Variants in FSTL5 observed in about 807,000 individuals in gnomAD.
FSTL5 encodes follistatin like 5.
Under a neutral mutation model 89.1 loss-of-function variants are expected in FSTL5, and 62 were observed. The observed-to-expected ratio is 0.70, with a 90% confidence interval of 0.57 to 0.86. The LOEUF (loss-of-function observed/expected upper bound fraction) is 0.86, where lower values mean the gene tolerates loss of function less well. Ranked by LOEUF, FSTL5 falls within the 40% of genes least tolerant of loss-of-function variation. FSTL5 has a pLI of 0.00. For synonymous variants in FSTL5, 383 were observed against 346.2 expected (o/e 1.11, Z -1.18); for missense variants, 1,057 against 1,001.6 (o/e 1.06, Z -0.75).
intron 7 of FSTL5, among the ~76,000 whole-genome samples, chr4:161,596,955 A>C (rs1016300747): frequency 6.6e-6 from 1 of 152,088 alleles, no homozygotes; most frequent in Non-Finnish European, 1.5e-5. Flanking sequence ...AGTAGATTGC[A>C]AAAATTTTCT....
At chr4:161,600,647 AT>A (rs1734199137) in intron 7 of FSTL5, among the ~76,000 whole-genome samples, 1 of 152,144 alleles carries the variant, frequency 6.6e-6, no homozygotes, top group Admixed American at 6.6e-5. Flanking sequence ...AGGCAAAAAA[AT>A]CTCATTTAGA....
chr4:161,522,007 C>A (rs1560936031), intron 10 of FSTL5, among the ~76,000 whole-genome samples: 1 of 152,022 alleles, frequency 6.6e-6, no homozygotes, highest in Admixed American at 6.6e-5. Context: ...GAAACACATG[C>A]TAGAATATGA....
intron 6 of FSTL5, among the ~76,000 whole-genome samples, chr4:161,747,213 CTAAA>C (rs1354931707): frequency 3.3e-5 from 5 of 152,102 alleles, no homozygotes; most frequent in Admixed American, 1.3e-4. Context: ...AAATATTAAT[CTAAA>C]TAGGTAAAAT....
chr4:161,520,556 T>C (rs533243380), intron 10 of FSTL5, among the ~76,000 whole-genome samples: 1 of 152,088 alleles, frequency 6.6e-6, no homozygotes, highest in Non-Finnish European at 1.5e-5. Context: ...TCAACTAAAT[T>C]GGCTTATCTT....
chr4:161,734,272 G>T (rs1005853295), intron 6 of FSTL5, among the ~76,000 whole-genome samples: 1 of 152,064 alleles, frequency 6.6e-6, no homozygotes, highest in Non-Finnish European at 1.5e-5. Flanking sequence ...AGTACTTAAA[G>T]TTCCTTTACA....
intron 7 of FSTL5, among the ~76,000 whole-genome samples, chr4:161,636,231 T>C (rs1280950976): frequency 1.3e-5 from 2 of 152,142 alleles, no homozygotes; most frequent in Non-Finnish European, 2.9e-5. Flanking sequence ...CTGTTAATGG[T>C]GTATATGGAT....
intron 6 of FSTL5, among the ~76,000 whole-genome samples, chr4:161,751,601 C>T (rs909628796): frequency 1.3e-5 from 2 of 151,956 alleles, no homozygotes; most frequent in African/African-American, 2.4e-5. Context: ...ATAGCAAAGT[C>T]CCATCTCTAC....
At chr4:161,881,565 G>A (rs994705568) in intron 4 of FSTL5, among the ~76,000 whole-genome samples, 4 of 152,044 alleles carry the variant, frequency 2.6e-5, no homozygotes, top group Admixed American at 1.3e-4. Flanking sequence ...ACTCCAGCGC[G>A]TTTTTTGCTG....
chr4:161,468,611 T>G lies in FSTL5; in HGVS notation c.1609-9292A>C, dbSNP rs537072186. Among the ~76,000 whole-genome samples, 3 of 152,272 alleles carry G rather than the reference T, an allele frequency of 2.0e-5. No individual in the cohort carries two copies. The East Asian group carries it at 5.8e-4, about 29-fold the overall frequency. Reference sequence around the variant, plus strand: ...ATTTTTAGATTAACAAGATTATTGTTTTTTGTTTCAGTATTCCTAAGTCAG... The same window carrying G: ...ATTTTTAGATTAACAAGATTATTGTGTTTTGTTTCAGTATTCCTAAGTCAG... On this transcript the variant is annotated intron_variant, in intron 13 of 15. Coordinates refer to ENST00000306100, the MANE Select transcript of FSTL5 (RefSeq NM_020116.5).
intron 2 of FSTL5, among the ~76,000 whole-genome samples, chr4:162,056,017 TAACCAAAGAG>T: frequency 3.9e-5 from 6 of 151,910 alleles, no homozygotes; most frequent in African/African-American, 1.2e-4. Context: ...TGCTTCTATA[TAACCAAAGAG>T]TAAGAAATAA....
intron 14 of FSTL5, among the ~76,000 whole-genome samples, 193 bp from the exon 15 acceptor site, chr4:161,455,321 G>T (rs1241293799): frequency 6.6e-6 from 1 of 152,082 alleles, no homozygotes; most frequent in East Asian, 1.9e-4. Flanking sequence ...ATAGAAACTT[G>T]TTTCTATAAA....
intron 4 of FSTL5, among the ~76,000 whole-genome samples, chr4:161,860,894 C>A (rs1365005984): frequency 1.3e-5 from 2 of 151,968 alleles, no homozygotes; most frequent in African/African-American, 4.8e-5. Flanking sequence ...CCCTCTCTCT[C>A]TTTTCACCCC....
intron 4 of FSTL5, among the ~76,000 whole-genome samples, chr4:161,913,912 T>G (rs530010656): frequency 2.0e-5 from 3 of 152,226 alleles, no homozygotes; most frequent in African/African-American, 4.8e-5. Context: ...GTGGAAGGGA[T>G]TTCCCTTGTT....
chr4:161,867,175 T>G (rs1732118068), intron 4 of FSTL5, among the ~76,000 whole-genome samples: 1 of 152,056 alleles, frequency 6.6e-6, no homozygotes, highest in South Asian at 2.1e-4. Context: ...ATATTTTATA[T>G]TCATACACAT....
chr4:161,847,085 A>C (rs559732878), intron 4 of FSTL5, among the ~76,000 whole-genome samples: 1 of 152,262 alleles, frequency 6.6e-6, no homozygotes, highest in East Asian at 1.9e-4. Context: ...AAACTGAGAA[A>C]AATAAATACT....
intron 4 of FSTL5, among the ~76,000 whole-genome samples, chr4:161,777,321 T>C (rs1411232019): frequency 2.0e-5 from 3 of 151,498 alleles, no homozygotes; most frequent in African/African-American, 4.8e-5. Context: ...TGATTCCATA[T>C]CTTGACTATT....
At chr4:161,772,041 A>T (rs1741227797) in intron 5 of FSTL5, among the ~76,000 whole-genome samples, 1 of 152,136 alleles carries the variant, frequency 6.6e-6, no homozygotes, top group Non-Finnish European at 1.5e-5. Flanking sequence ...GATTCTAAAG[A>T]GCCTACCTTC....
chr4:161,673,570 T>C (rs1737193356), intron 6 of FSTL5, among the ~76,000 whole-genome samples: 1 of 152,008 alleles, frequency 6.6e-6, no homozygotes, highest in African/African-American at 2.4e-5. Context: ...TTCGGTTAAG[T>C]AGACAAAAGA....
chr4:161,857,263 T>C (rs1731749480), intron 4 of FSTL5, among the ~76,000 whole-genome samples: 1 of 152,150 alleles, frequency 6.6e-6, no homozygotes, highest in African/African-American at 2.4e-5. Context: ...ATCAGATACA[T>C]ATTTTAAAGG....
Sources: allele counts gnomAD v4.1 joint callset (sites outside exome capture counted in the v4.1 genomes callset), GRCh38; gene constraint gnomAD v4.1.1; transcripts MANE v1.5; gene names NCBI Gene and HGNC (gene_info 2026-07-23, HGNC 2026-07-21).